The following IGDCC4 variants were observed in gnomAD, a reference collection of about 807,000 sequenced individuals.
IGDCC4 encodes likely ortholog of mouse neighbor of Punc E11.
IGDCC4 carries 72 observed loss-of-function variants against 116.6 expected under a neutral mutation model. The ratio of observed to expected loss-of-function variants is 0.62; its 90% CI spans 0.51 to 0.75. The LOEUF (loss-of-function observed/expected upper bound fraction) is 0.75. Ranked by LOEUF, IGDCC4 falls within the 30% of genes least tolerant of loss-of-function variation. IGDCC4 has a pLI of 0.00. For synonymous variants in IGDCC4, 709 were observed against 719.9 expected, an observed-to-expected ratio of 0.98 and a Z score of 0.24; for missense variants, 1,501 against 1,662.4, an observed-to-expected ratio of 0.90 and a Z score of 1.69.
intron 3 of IGDCC4, among the ~76,000 whole-genome samples, chr15:65,409,090 C>T (rs1237957056): frequency 6.6e-6 from 1 of 152,128 alleles, no homozygotes; most frequent in Non-Finnish European, 1.5e-5. Context: ...CTGCTTCGTC[C>T]TCCCAAAAGG....
Position 65,388,966 on chromosome 15 carries a change from G to A in IGDCC4, c.2549C>T (p.Pro850Leu). The change falls in exon 15 of 20, where the codon CCC (proline) becomes CTC (leucine). Residue 850 changes from proline to leucine, a missense_variant. Physicochemically the swap from Pro to Leu is moderately conservative, Grantham distance 98. Transcript: ENST00000352385. ...GGGGCTCAGTCGCAGGTCGGATGGG[G>A]GTGTGGAGGGCCCTGGGGTGCGGGA... The part of the protein sequence containing the change: ...RSTLPDRPST[P>L]PSDLRLSPLT... 1 of 1,599,264 alleles carries A rather than the reference G, an allele frequency of 6.3e-7. No homozygotes were observed. Among genetic ancestry groups the A allele is most frequent in the Non-Finnish European group, 8.5e-7 (1 of 1,173,196 alleles).
At chr15:65,385,361 G>A (rs191398901) in intron 18 of IGDCC4, 203 of 563,272 alleles carry the variant, frequency 3.6e-4, no homozygotes, top group African/African-American at 3.2e-3. Context: ...CGCGGTGTCC[G>A]AGCCAGGCGG....
In IGDCC4 at chr15:65,383,955, C is replaced by A; in HGVS notation, c.*54G>T. 2 of 1,453,492 alleles carry A rather than the reference C, an allele frequency of 1.4e-6. No individual in the cohort carries two copies. The highest frequency in any genetic ancestry group is 2.8e-5 in the South Asian group (2 of 70,338). The allele number at this position is 1,453,492 out of a possible 1,614,324, so 90.0% of individuals were successfully genotyped here. On this transcript the variant is annotated 3_prime_UTR_variant, in exon 20 of 20. Coordinates refer to ENST00000352385, the MANE Select transcript of IGDCC4 (RefSeq NM_020962.3). ...TGTGGACATACACGGCCACAGGTAT[C>A]GCATCCTATGTGATCCATACCTGCC...
Position 65,389,283 on chromosome 15 carries a change from C to T in IGDCC4, c.2536+1G>A, listed in dbSNP as rs918996775. 1.2e-6 allele frequency: 2 copies of T among 1,612,064 alleles called. No homozygotes were observed. The highest frequency in any genetic ancestry group is 1.7e-6 in the Non-Finnish European group (2 of 1,179,170). On this transcript the variant is annotated splice_donor_variant, in intron 14 of 19. Transcript: ENST00000352385. LOFTEE classifies it high-confidence loss of function. ...GTGGCAAGGGGCTGGGAGCCACTCA[C>T]GGTCAGGCAGGGTGGAGCGCTCCAC...
chr15:65,399,447 C>CAAAAAAAAAAAAAAAAAAA (rs112040935), intron 5 of IGDCC4, among the ~76,000 whole-genome samples: 1 of 71,182 alleles, frequency 1.4e-5, no homozygotes, highest in Non-Finnish European at 3.3e-5. Context: ...GGGTGACAGG[C>CAAAAAAAAAAAAAAAAAAA]AAAAAAAAAA....
Position 65,395,841 on chromosome 15 carries a change from C to A in IGDCC4, c.1320G>T (p.Leu440=), listed in dbSNP as rs1487582235. ...SAPTRVTATP[L]SSSAVLVAWE... is the part of the protein sequence containing the mutation. ...AGGCCACCAACACAGCGGAGCTGCT[C>A]AGTGGCGTAGCAGTGACCCGCGTGG... Residue 440 remains leucine, a synonymous_variant, in exon 7 of 20, where the codon CTG becomes CTT. Coordinates refer to ENST00000352385, the MANE Select transcript of IGDCC4 (RefSeq NM_020962.3). 1.3e-6 allele frequency: 2 copies of A among 1,569,522 alleles called. No individual in the cohort carries two copies. The highest frequency in any genetic ancestry group is 1.8e-5 in the Admixed American group (1 of 57,018).
intron 3 of IGDCC4, among the ~76,000 whole-genome samples, chr15:65,402,866 T>TCAAA (rs764835012): frequency 6.6e-6 from 1 of 152,022 alleles, no homozygotes. Context: ...AAACTCCATC[T>TCAAA]CAAACAAACA....
intron 5 of IGDCC4, among the ~76,000 whole-genome samples, chr15:65,398,346 T>C (rs1055409997): frequency 1.3e-5 from 2 of 149,996 alleles, no homozygotes; most frequent in African/African-American, 2.5e-5. Context: ...CCAGACTGGC[T>C]AACATGGCAA....
rs1378623886 is a variant in IGDCC4, at chr15:65,395,809, C to T, written c.1352G>A (p.Arg451Gln). Reference protein sequence around the residue: ...SSSAVLVAWERPEMHSEQIIG... With the variant: ...SSSAVLVAWEQPEMHSEQIIG... Reference sequence around the variant, plus strand: ...GATCTGCTCGCTGTGCATCTCGGGCCGCTCCCAGGCCACCAACACAGCGGA... The same window carrying T: ...GATCTGCTCGCTGTGCATCTCGGGCTGCTCCCAGGCCACCAACACAGCGGA... Residue 451 changes from arginine (R) to glutamine (Q), a missense_variant, in exon 7 of 20, where the codon CGG becomes CAG. Arg to Gln is a conservative substitution (Grantham distance 43). Coordinates refer to ENST00000352385, the MANE Select transcript of IGDCC4 (RefSeq NM_020962.3). 9 of 1,502,964 alleles carry T rather than the reference C, an allele frequency of 6.0e-6. No homozygotes were observed. The highest frequency in any genetic ancestry group is 1.4e-5 in the African/African-American group (1 of 70,944). The allele number at this position is 1,502,964 out of a possible 1,614,324, so 93.1% of individuals were successfully genotyped here. A position where few individuals can be genotyped will look rare whatever the true frequency, so the allele number is the denominator to read the frequency against.
intron 2 of IGDCC4, 82 bp downstream of exon 2, chr15:65,410,938 C>T (rs541796327): frequency 2.7e-6 from 3 of 1,126,100 alleles, no homozygotes; most frequent in South Asian, 3.1e-5. Flanking sequence ...GGCATTTGTG[C>T]AAGTAACTAA....
chr15:65,389,062 A>G, intron 14 of IGDCC4, 84 bp from the exon 15 acceptor site: 6 of 1,105,052 alleles, frequency 5.4e-6, no homozygotes, highest in Non-Finnish European at 7.6e-6. Context: ...TTCCTCCTTC[A>G]TGGAACAAGC....
chr15:65,386,403 T>C (rs1473923787), intron 17 of IGDCC4, 148 bp downstream of exon 17: 11 of 734,358 alleles, frequency 1.5e-5, no homozygotes, highest in Non-Finnish European at 2.4e-5. Flanking sequence ...GAGGACATCA[T>C]CCCTGATTCC....
At chr15:65,408,546 C>A (rs1177470554) in intron 3 of IGDCC4, among the ~76,000 whole-genome samples, 1 of 152,234 alleles carries the variant, frequency 6.6e-6, no homozygotes, top group African/African-American at 2.4e-5. Context: ...CTTCGTTAAA[C>A]AAGGTCAACA....
At position 65,392,305 on chromosome 15, in the gene IGDCC4, G is replaced by T. The variant is rs2062875925; in HGVS notation, c.1951C>A (p.Pro651Thr). The change falls in exon 11 of 20, where the codon CCA (proline) becomes ACA (threonine). Residue 651 changes from proline (P) to threonine (T), a missense_variant. Physicochemically the swap from Pro to Thr is conservative, Grantham distance 38. Coordinates refer to ENST00000352385, the MANE Select transcript of IGDCC4 (RefSeq NM_020962.3). The stretch of plus-strand genomic sequence containing the variant: ...GAGATCTGGGTGGGGTGAGGGGGTG[G>T]CTGCCATGACACGACCAGGGACTCC... ...KMESLVVSWQ[P>T]PPHPTQISGY... The T allele has an allele frequency of 1.3e-6, 2 of 1,594,480 alleles. No homozygotes were observed. The highest frequency in any genetic ancestry group is 1.7e-6 in the Non-Finnish European group (2 of 1,167,634).
At chr15:65,422,374 C>G (rs891634006) in intron 1 of IGDCC4, among the ~76,000 whole-genome samples, 6 of 152,164 alleles carry the variant, frequency 3.9e-5, no homozygotes, top group Admixed American at 3.9e-4. Flanking sequence ...CCAGTTCCCT[C>G]CTCTTTTACA....
chr15:65,385,737 G>C (rs2091448835), intron 18 of IGDCC4, 94 bp downstream of exon 18: 1 of 1,026,508 alleles, frequency 9.7e-7, no homozygotes, highest in Admixed American at 1.7e-5. Context: ...CTCCGAAGAG[G>C]AGGTAGAGCC....
In IGDCC4 at chr15:65,388,815, G is replaced by A. The variant is rs2091485994; in HGVS notation, c.2700C>T (p.Thr900=). The A allele has an allele frequency of 6.2e-7, 1 of 1,614,002 alleles. No homozygotes were observed. Among genetic ancestry groups the A allele is most frequent in the Non-Finnish European group, 8.5e-7 (1 of 1,180,030 alleles). ...TQPEHQWTLL[T]TQGNIFSAEV... ...TGGGGCAGGAGCCCTCACCCTGCGT[G>A]GTGAGCAAGGTCCACTGGTGCTCAG... Residue 900 remains threonine (T), a synonymous_variant, in exon 15 of 20, where the codon ACC becomes ACT. Transcript: ENST00000352385.
chr15:65,384,941 C>A lies in IGDCC4; in HGVS notation c.3342+13G>T, dbSNP rs763761521. 1 of 1,606,648 alleles carries A rather than the reference C, an allele frequency of 6.2e-7. No homozygotes were observed. The highest frequency in any genetic ancestry group is 1.1e-5 in the South Asian group (1 of 90,532). On this transcript the variant is annotated intron_variant, in intron 19 of 19. Coordinates refer to ENST00000352385, the MANE Select transcript of IGDCC4 (RefSeq NM_020962.3). The surrounding 1 kb of genome is among the most constrained non-coding windows in gnomAD (Gnocchi z 4.9). Reference sequence around the variant, plus strand: ...TTTCCTCCTTTCCTGCCCCTTCCTTCCAGGACGCTGACCTTTATGGCGTCG... The same window carrying A: ...TTTCCTCCTTTCCTGCCCCTTCCTTACAGGACGCTGACCTTTATGGCGTCG...
chr15:65,416,956 C>G (rs143939478), intron 1 of IGDCC4, among the ~76,000 whole-genome samples: 13 of 151,936 alleles, frequency 8.6e-5, no homozygotes, highest in Admixed American at 8.5e-4. Flanking sequence ...GGAGGCCTGG[C>G]GTGAGTTCCA....
Sources: gnomAD v4.1 joint callset for allele counts (sites outside exome capture counted in the v4.1 genomes callset) on GRCh38, gnomAD v4.1.1 for gene constraint, Gnocchi (gnomAD v3.1) non-coding constraint, MANE v1.5 for transcripts, NCBI Gene and HGNC (gene_info 2026-07-23, HGNC 2026-07-21) for gene names.